DOCK8: variants seen among roughly 807,000 people sequenced by gnomAD.
The protein encoded by DOCK8 is dedicator of cytokinesis 8.
In DOCK8, 141 loss-of-function variants were observed where a neutral mutation model predicts 245.6. The ratio of observed to expected loss-of-function variants is 0.57; its 90% CI spans 0.50 to 0.66. DOCK8 has a LOEUF of 0.66. Ranked by LOEUF, DOCK8 falls within the 30% of genes least tolerant of loss-of-function variation. The pLI, the probability that DOCK8 is intolerant of heterozygous loss-of-function variation, is 0.00. For missense variants in DOCK8, 2,965 were observed against 2,603.4 expected (o/e 1.14, Z -3.02); for synonymous variants, 1,168 against 970.2 (o/e 1.20, Z -3.79).
intron 14 of DOCK8, among the ~76,000 whole-genome samples, chr9:346,919 A>G (rs184237346): frequency 2.0e-4 from 31 of 152,194 alleles, no homozygotes; most frequent in African/African-American, 7.2e-4. Flanking sequence ...GGGGCAGGAC[A>G]TGGGGAGTAT....
chr9:216,422 G>A (rs1187045687), intron 1 of DOCK8, among the ~76,000 whole-genome samples: 1 of 150,732 alleles, frequency 6.6e-6, no homozygotes, highest in East Asian at 2.0e-4. Flanking sequence ...TGTAGCCCCA[G>A]CTATTCAAGA....
At chr9:278,871 C>T (rs537556527) in intron 2 of DOCK8, among the ~76,000 whole-genome samples, 1 of 152,268 alleles carries the variant, frequency 6.6e-6, no homozygotes, top group East Asian at 1.9e-4. Context: ...TACTCTAAGA[C>T]AGGAAGCTGC....
intron 39 of DOCK8, among the ~76,000 whole-genome samples, chr9:436,304 G>C (rs2056900787): frequency 6.6e-6 from 1 of 152,132 alleles, no homozygotes; most frequent in South Asian, 2.1e-4. Context: ...TCATCCAAAA[G>C]CATAAAAATA....
rs114989070 is a variant in DOCK8, at chr9:335,597, A to G, written c.1286-985A>G. Reference sequence around the variant, plus strand: ...GATCTTCCTGCCACAGCTTTCTTTAATGCCGTCTATGTAGACCCAAGTAAC... The same window carrying G: ...GATCTTCCTGCCACAGCTTTCTTTAGTGCCGTCTATGTAGACCCAAGTAAC... On this transcript the variant is annotated intron_variant, in intron 11 of 47. Coordinates refer to ENST00000432829, the MANE Select transcript of DOCK8 (RefSeq NM_203447.4). Among the ~76,000 whole-genome samples, 677 of 152,174 alleles carry G rather than the reference A, an allele frequency of 4.4e-3. 4 individuals are homozygous for G. Among genetic ancestry groups the G allele is most frequent in the African/African-American group, 0.016 (648 of 41,494 alleles).
chr9:409,551 A>G (rs1307400806), intron 28 of DOCK8, among the ~76,000 whole-genome samples: 2 of 152,144 alleles, frequency 1.3e-5, no homozygotes, highest in East Asian at 1.9e-4. Flanking sequence ...AAAAATGTAT[A>G]TATATGTATA....
rs28422122 is a variant in DOCK8 at position 243,266 on chromosome 9, A to G, written c.53+28237A>G. Among the ~76,000 whole-genome samples the G allele has an allele frequency of 6.0e-3, 921 of 152,294 alleles. 6 individuals are homozygous for G. Among genetic ancestry groups the G allele is most frequent in the African/African-American group, 0.021 (860 of 41,556 alleles). ...ATGTTTCTTTACGTGTATAACAAAT[A>G]CATTTCAATTCGCGTCTAGCCCCTT... is the stretch of plus-strand genomic sequence containing the variant. On this transcript the variant is annotated intron_variant, in intron 1 of 47. Coordinates refer to ENST00000432829, the MANE Select transcript of DOCK8 (RefSeq NM_203447.4).
chr9:267,029 C>G (rs1422481079), intron 1 of DOCK8, among the ~76,000 whole-genome samples: 2 of 152,148 alleles, frequency 1.3e-5, no homozygotes, highest in African/African-American at 2.4e-5. Context: ...AGATGTCCCC[C>G]TTCACTAGGA....
chr9:410,942 T>G (rs1212213461), intron 28 of DOCK8, among the ~76,000 whole-genome samples: 1 of 152,186 alleles, frequency 6.6e-6, no homozygotes, highest in African/African-American at 2.4e-5. Context: ...AAGAATACGA[T>G]GAACAATTGA....
At chr9:393,085 C>CAAAAAAAA (rs1159933739) in intron 24 of DOCK8, among the ~76,000 whole-genome samples, 21 of 44,740 alleles carry the variant, frequency 4.7e-4, no homozygotes, top group East Asian at 3.1e-3. Flanking sequence ...GACCCTGTCT[C>CAAAAAAAA]AAAAAAAAAA....
At chr9:302,367 TAAATG>T (rs1035181977) in intron 4 of DOCK8, among the ~76,000 whole-genome samples, 3 of 152,212 alleles carry the variant, frequency 2.0e-5, no homozygotes, top group African/African-American at 7.2e-5. Context: ...ATTAAGGACT[TAAATG>T]TAAGACCTAA....
chr9:259,007 A>G (rs2047851175), intron 1 of DOCK8, among the ~76,000 whole-genome samples: 1 of 40,462 alleles, frequency 2.5e-5, no homozygotes, highest in Admixed American at 2.9e-4. Context: ...TAGAAAAAGA[A>G]AAAAAAAAAC....
chr9:214,968 C>T lies in DOCK8; in HGVS notation c.-9C>T. 1 of 1,601,890 alleles carries T rather than the reference C, an allele frequency of 6.2e-7. No homozygotes were observed. Among genetic ancestry groups the T allele is most frequent in the South Asian group, 1.1e-5 (1 of 89,716 alleles). ...GCGACCCTAGAAGCCACCGAACCGC[C>T]GGCGGGCCATGGCCACTCTGCCGAG... On this transcript the variant is annotated 5_prime_UTR_variant, in exon 1 of 48. Coordinates refer to ENST00000432829, the MANE Select transcript of DOCK8 (RefSeq NM_203447.4).
intron 14 of DOCK8, among the ~76,000 whole-genome samples, chr9:362,677 C>T (rs1377349649): frequency 6.6e-6 from 1 of 152,200 alleles, no homozygotes; most frequent in Non-Finnish European, 1.5e-5. Flanking sequence ...GTCGCTTAAA[C>T]AGGTGGCCAG....
intron 20 of DOCK8, among the ~76,000 whole-genome samples, chr9:379,262 G>A (rs569901793): frequency 2.0e-5 from 3 of 152,198 alleles, no homozygotes; most frequent in Non-Finnish European, 4.4e-5. Flanking sequence ...CTGTGGGAAT[G>A]ACTTGATATG....
intron 1 of DOCK8, among the ~76,000 whole-genome samples, chr9:217,881 G>C (rs1469972760): frequency 6.6e-6 from 1 of 152,192 alleles, no homozygotes; most frequent in Non-Finnish European, 1.5e-5. Flanking sequence ...AGCAATGGCA[G>C]AGCTGGGATT....
Position 216,128 on chromosome 9 carries a change from C to T in DOCK8, c.53+1099C>T, listed in dbSNP as rs113785304. 3.9e-3 allele frequency among the ~76,000 whole-genome samples: 599 copies of T among 152,304 alleles called. 5 individuals carry two copies. Among genetic ancestry groups the T allele is most frequent in the African/African-American group, 0.013 (539 of 41,568 alleles). On this transcript the variant is annotated intron_variant, in intron 1 of 47. Transcript: ENST00000432829. ...GATTTTATTTCCACTTGATACGTGA[C>T]TGCCAGCAAACTGTTTCTCTTACCT...
Position 420,454 on chromosome 9 carries a change from C to A in DOCK8, c.3894C>A (p.Ile1298=). The change falls in exon 31 of 48, where the codon ATC becomes ATA. Residue 1298 remains isoleucine (I), a synonymous_variant. Transcript: ENST00000432829. ...LNADTTRNLM[I]CFLWIMKNAD... ...CGGACACTACTCGCAACCTCATGAT[C>A]TGCTTCCTCTGGATCATGAAAAATG... The A allele has an allele frequency of 6.2e-7, 1 of 1,614,178 alleles. No homozygotes were observed. The highest frequency in any genetic ancestry group is 8.5e-7 in the Non-Finnish European group (1 of 1,180,032).
intron 2 of DOCK8, chr9:284,292 C>A (rs549727364): frequency 6.6e-6 from 1 of 152,258 alleles, no homozygotes; most frequent in Non-Finnish European, 1.5e-5. Flanking sequence ...TGTCCTAATG[C>A]AAACTTAGTC....
chr9:327,123 G>A (rs75153950), intron 8 of DOCK8, among the ~76,000 whole-genome samples: 297 of 152,218 alleles, frequency 2.0e-3, no homozygotes, highest in African/African-American at 7.0e-3. Flanking sequence ...AAGCTAGACC[G>A]CTGACTAAGC....
Sources: gnomAD v4.1 joint callset for allele counts (sites outside exome capture counted in the v4.1 genomes callset) on GRCh38, gnomAD v4.1.1 for gene constraint, MANE v1.5 for transcripts, NCBI Gene and HGNC (gene_info 2026-07-23, HGNC 2026-07-21) for gene names.